NDNF: variants seen among roughly 807,000 people sequenced by gnomAD.
NDNF encodes protein NDNF.
NDNF carries 16 observed loss-of-function variants against 42.0 expected under a neutral mutation model. The observed-to-expected ratio is 0.38, with a 90% CI of 0.26 to 0.58. The LOEUF is 0.58. NDNF is among the 20% of genes least tolerant of loss of function. The pLI is 0.67. For synonymous variants in NDNF, 248 were observed against 251.7 expected (o/e 0.99, Z 0.14); for missense variants, 616 against 666.2 (o/e 0.92, Z 0.83).
In NDNF at chr4:121,037,041, G is replaced by A. The variant is rs1450412149; in HGVS notation, c.930C>T (p.Tyr310=). 1.9e-6 allele frequency: 3 copies of A among 1,613,870 alleles called. No individual in the cohort carries two copies. Among genetic ancestry groups the A allele is most frequent in the Non-Finnish European group, 2.5e-6 (3 of 1,180,018 alleles). Residue 310 remains tyrosine (Y), a synonymous_variant, in exon 4 of 4, where the codon TAC becomes TAT. Transcript: ENST00000379692. The stretch of plus-strand genomic sequence containing the variant: ...TGTTGACCACAAATACATCAAAGTA[G>A]TACTGCGTGTCGGGTTTCAGATCAG... ...TVSDLKPDTQ[Y]YFDVFVVNIN...
rs928527250 is a variant in NDNF at position 121,072,482 on chromosome 4, G to A, written c.-491C>T. On this transcript the variant is annotated 5_prime_UTR_variant, in exon 1 of 4. Coordinates refer to ENST00000379692, the MANE Select transcript of NDNF (RefSeq NM_024574.4). ...GGCGCACGGGGCGGCAGCGGCCGTG[G>A]CGGGTGCGCTGCTCAGTTAGCTCCA... is the stretch of plus-strand genomic sequence containing the variant. 6.6e-6 allele frequency: 1 copy of A among 151,318 alleles called. No individual in the cohort carries two copies. Among genetic ancestry groups the A allele is most frequent in the African/African-American group, 2.4e-5 (1 of 41,390 alleles). The allele number at this position is 151,318 out of a possible 1,614,324, so 9.4% of individuals were successfully genotyped here.
intron 1 of NDNF, among the ~76,000 whole-genome samples, chr4:121,066,994 A>G (rs924925204): frequency 1.3e-5 from 2 of 152,228 alleles, no homozygotes; most frequent in African/African-American, 4.8e-5. Flanking sequence ...ATATTAGCTG[A>G]AATCATTCCA....
At chr4:121,058,909 C>T (rs557473432) in intron 1 of NDNF, among the ~76,000 whole-genome samples, 1 of 151,976 alleles carries the variant, frequency 6.6e-6, no homozygotes, top group African/African-American at 2.4e-5. Flanking sequence ...TTCCCATTAC[C>T]GAGAGGATGA....
chr4:121,036,760 A>G lies in NDNF; in HGVS notation c.1211T>C (p.Ile404Thr), dbSNP rs919433409. The G allele has an allele frequency of 2.5e-6, 4 of 1,614,166 alleles. No individual in the cohort carries two copies. The East Asian group carries it at 8.9e-5, about 36-fold the overall frequency. Residue 404 changes from isoleucine to threonine, a missense_variant, in exon 4 of 4, where the codon ATT (isoleucine) becomes ACT (threonine). Ile to Thr is a moderately conservative substitution (Grantham distance 89). Transcript: ENST00000379692. ...TTTTCCTCTAAGCTGAAACTGCTGA[A>G]TGCCTTCCACATTCTGAGACAGAAG... ...KLLLSQNVEGIQQFQLRGKPK... is the reference protein window; with the variant it reads ...KLLLSQNVEGTQQFQLRGKPK...
chr4:121,056,718 A>G (rs1239915309), intron 1 of NDNF, among the ~76,000 whole-genome samples: 2 of 152,242 alleles, frequency 1.3e-5, no homozygotes, highest in Non-Finnish European at 2.9e-5. Context: ...TCTACTTACC[A>G]TATTAACAAG....
chr4:121,059,869 C>A (rs1727373366), intron 1 of NDNF, among the ~76,000 whole-genome samples: 1 of 152,178 alleles, frequency 6.6e-6, no homozygotes, highest in African/African-American at 2.4e-5. Context: ...AGTTCATGGA[C>A]TGCACTTGAA....
At chr4:121,066,822 T>C (rs552959815) in intron 1 of NDNF, among the ~76,000 whole-genome samples, 15 of 152,362 alleles carry the variant, frequency 9.8e-5, no homozygotes, top group Admixed American at 9.1e-4. Context: ...TATTTGAATA[T>C]AGTCCATATT....
chr4:121,064,894 T>C (rs989873076), intron 1 of NDNF, among the ~76,000 whole-genome samples: 8 of 152,182 alleles, frequency 5.3e-5, no homozygotes, highest in East Asian at 1.9e-4. Flanking sequence ...TTCAGGGGTG[T>C]TTTATAAACA....
intron 3 of NDNF, chr4:121,039,131 T>TTA (rs1726932728): frequency 1.7e-5 from 1 of 57,720 alleles, no homozygotes; most frequent in African/African-American, 4.7e-5. Flanking sequence ...GTATACATAG[T>TTA]TATATATATA....
intron 3 of NDNF, among the ~76,000 whole-genome samples, chr4:121,039,326 G>A (rs923530793): frequency 6.7e-6 from 1 of 149,498 alleles, no homozygotes; most frequent in Non-Finnish European, 1.5e-5. Flanking sequence ...AGCTTTCAGG[G>A]TGCCATACAA....
intron 2 of NDNF, among the ~76,000 whole-genome samples, chr4:121,041,415 C>T (rs1018157589): frequency 3.9e-5 from 6 of 152,128 alleles, no homozygotes; most frequent in Admixed American, 6.5e-5. Context: ...CCAGAGCCTC[C>T]GACCCCAGCA....
At chr4:121,057,913 T>C (rs893875875) in intron 1 of NDNF, among the ~76,000 whole-genome samples, 5 of 152,184 alleles carry the variant, frequency 3.3e-5, no homozygotes, top group Non-Finnish European at 5.9e-5. Flanking sequence ...AAGTGCCTAC[T>C]GCAAGTCCCC....
chr4:121,046,948 T>C (rs1056453774), intron 1 of NDNF, among the ~76,000 whole-genome samples: 11 of 152,218 alleles, frequency 7.2e-5, no homozygotes, highest in African/African-American at 2.7e-4. Context: ...AAGAATTGTT[T>C]TCCTTTACCT....
Position 121,039,944 on chromosome 4 carries a change from C to T in NDNF, c.299G>A (p.Ser100Asn), listed in dbSNP as rs1726967768. The change falls in exon 3 of 4, where the codon AGC becomes AAC. Residue 100 changes from serine to asparagine, a missense_variant. Transcript: ENST00000379692. ...CTGCTGCTTACCTGAGCCTTCCCCG[C>T]TCCTGTCCTCTGGCAGCTCCTGGAG... ...LSLQELPEDR[S>N]GEGSGDLEPL... The T allele has an allele frequency of 8.1e-6, 13 of 1,613,886 alleles. No homozygotes were observed. Among genetic ancestry groups the T allele is most frequent in the African/African-American group, 2.7e-5 (2 of 74,916 alleles).
intron 1 of NDNF, among the ~76,000 whole-genome samples, chr4:121,058,501 G>A (rs916989738): frequency 3.3e-5 from 5 of 152,014 alleles, no homozygotes; most frequent in African/African-American, 1.2e-4. Flanking sequence ...CAACTGCTCC[G>A]AGCCTCGGTT....
intron 1 of NDNF, among the ~76,000 whole-genome samples, chr4:121,048,752 C>A (rs935929962): frequency 2.0e-5 from 3 of 152,042 alleles, no homozygotes; most frequent in African/African-American, 7.2e-5. Flanking sequence ...GCAGGAGAAT[C>A]GCTTGAACCC....
chr4:121,045,590 T>G, intron 2 of NDNF, 60 bp downstream of exon 2: 4 of 1,419,402 alleles, frequency 2.8e-6, no homozygotes, highest in Non-Finnish European at 3.9e-6. Context: ...AAGGTTACTC[T>G]CTTTTTTGGA....
In NDNF at chr4:121,072,413, A is replaced by T. The variant is rs1727625162; in HGVS notation, c.-422T>A. 6.6e-6 allele frequency: 1 copy of T among 151,336 alleles called. No individual in the cohort carries two copies. Among genetic ancestry groups the T allele is most frequent in the Non-Finnish European group, 1.5e-5 (1 of 67,836 alleles). The allele number at this position is 151,336 out of a possible 1,614,324, so 9.4% of individuals were successfully genotyped here. On this transcript the variant is annotated 5_prime_UTR_variant, in exon 1 of 4. Coordinates refer to ENST00000379692, the MANE Select transcript of NDNF (RefSeq NM_024574.4). Reference sequence around the variant, plus strand: ...GGCTTCGCCGGCCGCCGCTAGTCGCACAGGCGCCTGGCTGGAGCGCCGCGC... The same window carrying T: ...GGCTTCGCCGGCCGCCGCTAGTCGCTCAGGCGCCTGGCTGGAGCGCCGCGC...
At chr4:121,058,650 T>C (rs961062070) in intron 1 of NDNF, among the ~76,000 whole-genome samples, 1 of 152,092 alleles carries the variant, frequency 6.6e-6, no homozygotes, top group Admixed American at 6.6e-5. Context: ...TTCCACACTA[T>C]CTGACTTTTC....
Sources: allele counts gnomAD v4.1 joint callset (sites outside exome capture counted in the v4.1 genomes callset), GRCh38; gene constraint gnomAD v4.1.1; transcripts MANE v1.5; gene names NCBI Gene and HGNC (gene_info 2026-07-23, HGNC 2026-07-21).